Variants in FBN1 observed in about 807,000 individuals in gnomAD.
The protein encoded by FBN1 is fibrillin-1.
Under a neutral mutation model 365.1 loss-of-function variants are expected in FBN1, and 29 were observed. That is an observed-to-expected ratio of 0.08 (90% CI 0.06 to 0.11). The LOEUF (loss-of-function observed/expected upper bound fraction) is 0.11. FBN1 is among the 10% of genes least tolerant of loss of function. The pLI, the probability that FBN1 is intolerant of heterozygous loss-of-function variation, is 1.00. For missense variants in FBN1, 2,476 were observed against 3,703.2 expected (o/e 0.67, Z 8.60); for synonymous variants, 1,210 against 1,270.5 (o/e 0.95, Z 1.01).
intron 4 of FBN1, among the ~76,000 whole-genome samples, chr15:48,603,252 C>G (rs531474526): frequency 6.6e-6 from 1 of 152,282 alleles, no homozygotes; most frequent in African/African-American, 2.4e-5. Context: ...ACTTGTGAAA[C>G]AAGAAGACAT....
chr15:48,450,218 A>G (rs1308960414), intron 45 of FBN1, among the ~76,000 whole-genome samples: 2 of 152,146 alleles, frequency 1.3e-5, no homozygotes. Flanking sequence ...GTTGGCCCAA[A>G]ACTTTGGCAC....
At chr15:48,467,517 C>A (rs112549850) in intron 38 of FBN1, among the ~76,000 whole-genome samples, 1 of 152,192 alleles carries the variant, frequency 6.6e-6, no homozygotes, top group East Asian at 1.9e-4. Context: ...CACCCCATAA[C>A]AATGGAATAA....
Position 48,485,176 on chromosome 15 carries a change from T to C in FBN1, c.3712+198A>G, listed in dbSNP as rs540009048. The stretch of plus-strand genomic sequence containing the variant: ...CAGGTACTATGGTAAGCTCTGTAAA[T>C]ACTATTTTATGCAGGCAATTTGAAC... On this transcript the variant is annotated intron_variant, in intron 30 of 65. Transcript: ENST00000316623. Among the ~76,000 whole-genome samples the C allele has an allele frequency of 1.2e-4, 18 of 152,350 alleles. No homozygotes were observed. In the Middle Eastern group the frequency reaches 0.01, roughly 86 times the overall value.
intron 10 of FBN1, among the ~76,000 whole-genome samples, chr15:48,520,355 C>A (rs558687699): frequency 1.3e-5 from 2 of 152,282 alleles, no homozygotes; most frequent in African/African-American, 4.8e-5. Flanking sequence ...CTCTACTGAG[C>A]TTTTGAGTAC....
At position 48,411,313 on chromosome 15, in the gene FBN1, C is replaced by T. The variant is rs1008093328; in HGVS notation, c.8293G>A (p.Ala2765Thr). The change falls in exon 66 of 66, where the codon GCT (alanine) becomes ACT (threonine). Residue 2765 changes from alanine to threonine, a missense_variant. This residue lies in a region of FBN1 where 177 missense variants were observed against 192.7 expected (regional missense o/e 0.92). Transcript: ENST00000316623. ...SWDVEKTAIF[A>T]FNISHVSNKV... ...TTACTGACGTGGGAAATATTGAAAGCAAAGATGGCTGTCTTCTCAACATCC... is the reference window on the plus strand; with the variant it reads ...TTACTGACGTGGGAAATATTGAAAGTAAAGATGGCTGTCTTCTCAACATCC... The T allele has an allele frequency of 3.7e-6, 6 of 1,613,990 alleles. No individual in the cohort carries two copies. The African/African-American group carries it at 5.3e-5, about 14-fold the overall frequency.
intron 6 of FBN1, among the ~76,000 whole-genome samples, chr15:48,569,700 A>C (rs2140669569): frequency 6.6e-6 from 1 of 152,292 alleles, no homozygotes; most frequent in East Asian, 1.9e-4. Context: ...ATATAAAATA[A>C]TATGTGTTAT....
chr15:48,587,790 T>A (rs2044448449), intron 6 of FBN1, among the ~76,000 whole-genome samples: 1 of 152,216 alleles, frequency 6.6e-6, no homozygotes, highest in South Asian at 2.1e-4. Flanking sequence ...GTGCCAAGGC[T>A]TTATTAAATA....
At chr15:48,615,056 A>T (rs1465898336) in intron 2 of FBN1, among the ~76,000 whole-genome samples, 1 of 152,196 alleles carries the variant, frequency 6.6e-6, no homozygotes, top group African/African-American at 2.4e-5. Flanking sequence ...GAGGGTAGAC[A>T]GCTGGGGTAG....
In FBN1 at chr15:48,416,229, A is replaced by G. The variant is rs532743188; in HGVS notation, c.7820-462T>C. ...GCCCAGCGAGGAGACAAATCTCTCA[A>G]AAGCAGAGACCAACCATTTTCCCGC... On this transcript the variant is annotated intron_variant, in intron 63 of 65. Transcript: ENST00000316623. Among the ~76,000 whole-genome samples the G allele has an allele frequency of 2.6e-5, 4 of 152,292 alleles. No individual in the cohort carries two copies. In the East Asian group the frequency reaches 7.7e-4, roughly 29 times the overall value.
chr15:48,644,392 T>C (rs527478267), intron 2 of FBN1: 4 of 677,582 alleles, frequency 5.9e-6, no homozygotes, highest in East Asian at 5.1e-5. Flanking sequence ...AGATTCCATT[T>C]AACCACGTCC....
intron 42 of FBN1, among the ~76,000 whole-genome samples, chr15:48,460,525 G>T (rs185508621): frequency 6.6e-6 from 1 of 152,162 alleles, no homozygotes; most frequent in East Asian, 1.9e-4. Context: ...TAATGTTGAC[G>T]TGATAATGAA....
At chr15:48,611,292 G>A (rs1450056993) in intron 3 of FBN1, among the ~76,000 whole-genome samples, 2 of 151,972 alleles carry the variant, frequency 1.3e-5, no homozygotes, top group African/African-American at 2.4e-5. Context: ...ATGGAGTCTC[G>A]CTCTGTCACC....
At chr15:48,566,929 A>C (rs1175501730) in intron 6 of FBN1, among the ~76,000 whole-genome samples, 2 of 152,186 alleles carry the variant, frequency 1.3e-5, no homozygotes, top group South Asian at 4.1e-4. Context: ...TAGCCTTGGC[A>C]CTCAAAGTGT....
At chr15:48,460,410 A>G in intron 42 of FBN1, 93 bp from the exon 43 acceptor site, 1 of 798,740 alleles carries the variant, frequency 1.3e-6, no homozygotes, top group African/African-American at 1.7e-5. Context: ...GCATTCTTGA[A>G]AGGTATTTGT....
At chr15:48,421,860 T>C (rs1055008839) in intron 61 of FBN1, 92 bp downstream of exon 61, 1 of 1,249,576 alleles carries the variant, frequency 8.0e-7, no homozygotes, top group African/African-American at 1.5e-5. Flanking sequence ...CTTTGAGCTT[T>C]TATTTTCTTA....
chr15:48,455,803 T>C (rs535972391), intron 44 of FBN1, among the ~76,000 whole-genome samples: 1 of 152,308 alleles, frequency 6.6e-6, no homozygotes, highest in East Asian at 1.9e-4. Flanking sequence ...ACTTTACTTG[T>C]GGTATATAAG....
rs2043824273 is a variant in FBN1, at chr15:48,518,559, C to T, written c.1147+2100G>A. The stretch of plus-strand genomic sequence containing the variant: ...AGGTGGGTATTTTACTTTAAGAATG[C>T]CATTAAATTCATCTTAACCTCTCTA... On this transcript the variant is annotated intron_variant, in intron 10 of 65. Coordinates refer to ENST00000316623, the MANE Select transcript of FBN1 (RefSeq NM_000138.5). Among the ~76,000 whole-genome samples the T allele has an allele frequency of 2.0e-5, 3 of 152,256 alleles. No homozygotes were observed. In the South Asian group the frequency reaches 6.2e-4, roughly 32 times the overall value.
intron 40 of FBN1, 133 bp downstream of exon 40, chr15:48,465,435 T>A (rs1317542453): frequency 3.0e-6 from 3 of 996,032 alleles, no homozygotes; most frequent in Non-Finnish European, 4.7e-6. Context: ...GTGAGACATA[T>A]CTACCTGGCT....
At chr15:48,459,788 C>CA (rs2043267339) in intron 43 of FBN1, among the ~76,000 whole-genome samples, 2 of 152,194 alleles carry the variant, frequency 1.3e-5, no homozygotes, top group South Asian at 4.1e-4. Context: ...CTGAAATTCC[C>CA]AAAGCAGATG....
Sources: gnomAD v4.1 joint callset for allele counts (sites outside exome capture counted in the v4.1 genomes callset) on GRCh38, gnomAD v4.1.1 for gene constraint, gnomAD v4.1.1 regional missense constraint, MANE v1.5 for transcripts, NCBI Gene and HGNC (gene_info 2026-07-23, HGNC 2026-07-21) for gene names.